Variants in SOAT1 observed in about 807,000 individuals in gnomAD.
SOAT1 encodes acyl-coenzyme A:cholesterol acyltransferase 1.
Under a neutral mutation model 69.5 loss-of-function variants are expected in SOAT1, and 55 were observed. The ratio of observed to expected loss-of-function variants is 0.79; its 90% CI spans 0.64 to 0.99. SOAT1 has a LOEUF of 0.99. SOAT1 is among the 50% of genes least tolerant of loss of function. The probability of loss-of-function intolerance (pLI) is 0.00; values close to 1 mark genes in which losing one functional copy is unlikely to be tolerated. For missense variants in SOAT1, 580 were observed against 669.3 expected, an observed-to-expected ratio of 0.87 and a Z score of 1.47; for synonymous variants, 231 against 224.7, an observed-to-expected ratio of 1.03 and a Z score of -0.25.
chr1:179,347,116 C>T (rs937539230), intron 11 of SOAT1, among the ~76,000 whole-genome samples: 26 of 151,906 alleles, frequency 1.7e-4, no homozygotes, highest in Admixed American at 1.6e-3. Flanking sequence ...CCTAGCACTT[C>T]GGGAGGCTGA....
intron 14 of SOAT1, 145 bp downstream of exon 14, chr1:179,350,576 A>G (rs1666690721): frequency 1.4e-6 from 1 of 725,768 alleles, no homozygotes; most frequent in South Asian, 2.0e-5. Context: ...TGGTCAGAAT[A>G]TTGACTTTGA....
intron 6 of SOAT1, 91 bp from the exon 7 acceptor site, chr1:179,340,937 A>AGG: frequency 8.5e-7 from 1 of 1,180,134 alleles, no homozygotes. Flanking sequence ...CTAAGGTTGA[A>AGG]AGTTTGGTGT....
At chr1:179,334,256 T>A (rs1666069379) in intron 3 of SOAT1, among the ~76,000 whole-genome samples, 1 of 152,168 alleles carries the variant, frequency 6.6e-6, no homozygotes, top group Non-Finnish European at 1.5e-5. Context: ...ATATGTAAAA[T>A]TATGTTACGT....
At chr1:179,299,490 G>A (rs1284779919) in intron 1 of SOAT1, among the ~76,000 whole-genome samples, 1 of 152,068 alleles carries the variant, frequency 6.6e-6, no homozygotes, top group Non-Finnish European at 1.5e-5. Context: ...TAAAAAAAGG[G>A]CAGAGGAGAA....
intron 1 of SOAT1, among the ~76,000 whole-genome samples, chr1:179,298,210 A>T (rs1664718623): frequency 6.6e-6 from 1 of 151,884 alleles, no homozygotes; most frequent in South Asian, 2.1e-4. Context: ...CAGCCTCCTG[A>T]GTAGCTGGGA....
At chr1:179,305,835 G>T (rs1306735116) in intron 2 of SOAT1, among the ~76,000 whole-genome samples, 1 of 152,028 alleles carries the variant, frequency 6.6e-6, no homozygotes, top group South Asian at 2.1e-4. Context: ...AGGGTACCAG[G>T]TTTGTTAATA....
At chr1:179,325,539 T>C (rs1665759659) in intron 3 of SOAT1, among the ~76,000 whole-genome samples, 1 of 152,210 alleles carries the variant, frequency 6.6e-6, no homozygotes, top group Non-Finnish European at 1.5e-5. Flanking sequence ...ATTTTTGTTA[T>C]TCCTTTTTCA....
chr1:179,347,232 C>T (rs10913732), intron 11 of SOAT1, among the ~76,000 whole-genome samples: 1 of 151,804 alleles, frequency 6.6e-6, no homozygotes, highest in Admixed American at 6.6e-5. Flanking sequence ...GTGGTACATG[C>T]CTGTAGTTCC....
chr1:179,358,634 G>A lies in SOAT1; in HGVS notation c.*4993G>A, dbSNP rs1038445833. On this transcript the variant is annotated 3_prime_UTR_variant, in exon 16 of 16. Transcript: ENST00000367619. The stretch of plus-strand genomic sequence containing the variant: ...TCCATAGTGTTCTGAGCACCAGAAG[G>A]GTCATGTAAATCTGAAGTTGTTATT... 1 of 152,144 alleles carries A rather than the reference G, an allele frequency of 6.6e-6. No homozygotes were observed. The highest frequency in any genetic ancestry group is 1.5e-5 in the Non-Finnish European group (1 of 68,042). 9.4% of individuals were successfully genotyped at this position (152,144 alleles called of 1,614,324 possible).
intron 14 of SOAT1, among the ~76,000 whole-genome samples, chr1:179,350,680 G>A (rs1666694519): frequency 6.6e-6 from 1 of 152,124 alleles, no homozygotes; most frequent in Admixed American, 6.6e-5. Flanking sequence ...ACACTGATTT[G>A]ATAGGTCATA....
chr1:179,341,364 A>C, intron 7 of SOAT1, 54 bp downstream of exon 7: 8 of 1,498,316 alleles, frequency 5.3e-6, no homozygotes, highest in Non-Finnish European at 7.3e-6. Flanking sequence ...AAATAATAAT[A>C]ATGATGATGA....
rs1424139874 is a variant in SOAT1 at position 179,354,591 on chromosome 1, A to G, written c.*950A>G. The G allele has an allele frequency of 2.0e-5, 3 of 152,304 alleles. No homozygotes were observed. In the East Asian group the frequency reaches 5.8e-4, roughly 29 times the overall value. The allele number at this position is 152,304 out of a possible 1,614,324, so 9.4% of individuals were successfully genotyped here. ...CTTCTCTTGAATTATTTTGCAGACT[A>G]GTGAGTCTGTACCATAAGTATTAAT... is the stretch of plus-strand genomic sequence containing the variant. On this transcript the variant is annotated 3_prime_UTR_variant, in exon 16 of 16. Transcript: ENST00000367619.
At chr1:179,296,820 G>A (rs1442028456) in intron 1 of SOAT1, among the ~76,000 whole-genome samples, 5 of 152,192 alleles carry the variant, frequency 3.3e-5, no homozygotes, top group African/African-American at 1.2e-4. Flanking sequence ...GAACACGGAG[G>A]CAGGCTAAAG....
rs756099663 is a variant in SOAT1, at chr1:179,341,311, G to T, written c.780+1G>T. The T allele has an allele frequency of 5.6e-6, 9 of 1,613,522 alleles. 1 individual carries two copies. In the South Asian group the frequency reaches 7.7e-5, roughly 14 times the overall value. The stretch of plus-strand genomic sequence containing the variant: ...CCGGTTCATCATTATATTCGAGCAG[G>T]TAAGGTTTTAAGTGTTACCCAAGGC... On this transcript the variant is annotated splice_donor_variant, in intron 7 of 15. Coordinates refer to ENST00000367619, the MANE Select transcript of SOAT1 (RefSeq NM_003101.6). LOFTEE classifies it high-confidence loss of function.
At chr1:179,308,978 T>C (rs1665125507) in intron 2 of SOAT1, among the ~76,000 whole-genome samples, 1 of 152,224 alleles carries the variant, frequency 6.6e-6, no homozygotes, top group African/African-American at 2.4e-5. Context: ...AACTTGCTCC[T>C]TATTGATGGA....
At chr1:179,302,599 TA>T in intron 1 of SOAT1, 77 bp from the exon 2 acceptor site, 1 of 804,054 alleles carries the variant, frequency 1.2e-6, no homozygotes. Context: ...CTTTCCTTTA[TA>T]AATTACCCAG....
rs1666944205 is a variant in SOAT1, at chr1:179,357,448, G to A, written c.*3807G>A. 1 of 152,228 alleles carries A rather than the reference G, an allele frequency of 6.6e-6. No individual in the cohort carries two copies. The highest frequency in any genetic ancestry group is 6.5e-5 in the Admixed American group (1 of 15,282). 9.4% of individuals were successfully genotyped at this position (152,228 alleles called of 1,614,324 possible). A position where few individuals can be genotyped will look rare whatever the true frequency, so the allele number is the denominator to read the frequency against. On this transcript the variant is annotated 3_prime_UTR_variant, in exon 16 of 16. Transcript: ENST00000367619. ...GAACTCCTGACCTCATGATCCGCCA[G>A]CCTCAGCCTCCCATAGTGCTGGGAT...
chr1:179,343,309 C>T (rs2124994757), intron 9 of SOAT1, among the ~76,000 whole-genome samples: 1 of 152,246 alleles, frequency 6.6e-6, no homozygotes, highest in African/African-American at 2.4e-5. Flanking sequence ...CCTGCAACCT[C>T]TGCCTCCTGG....
At chr1:179,316,993 A>G (rs1229075016) in intron 2 of SOAT1, among the ~76,000 whole-genome samples, 4 of 152,206 alleles carry the variant, frequency 2.6e-5, no homozygotes, top group African/African-American at 9.6e-5. Context: ...ACAATATATT[A>G]AGTGAAAAAA....
Sources: allele counts gnomAD v4.1 joint callset (sites outside exome capture counted in the v4.1 genomes callset), GRCh38; gene constraint gnomAD v4.1.1; transcripts MANE v1.5; gene names NCBI Gene and HGNC (gene_info 2026-07-23, HGNC 2026-07-21).